Variants in OR8B2 observed in about 807,000 individuals in gnomAD.
The protein encoded by OR8B2 is olfactory receptor family 8 subfamily B member 2.
For synonymous variants in OR8B2, 98 were observed against 138.2 expected, an observed-to-expected ratio of 0.71 and a Z score of 2.04; for missense variants, 304 against 379.6, an observed-to-expected ratio of 0.80 and a Z score of 1.65.
At chr11:124,389,369 G>A (rs1042983859), upstream of OR8B2, among the ~76,000 whole-genome samples, 2 of 152,168 alleles carry the variant, frequency 1.3e-5, no homozygotes, top group East Asian at 3.9e-4. Context: ...TCTTTACAAA[G>A]TACATTGGGG....
At chr11:124,396,335 A>T in the OR8B2 span, 98 of 1,262,430 alleles carry the variant, frequency 7.8e-5, no homozygotes, top group Non-Finnish European at 1.0e-4. Context: ...CTGTAGAAAC[A>T]ACAAAATCTC....
At chr11:124,390,286 T>C in the OR8B2 span, among the ~76,000 whole-genome samples, 1 of 152,218 alleles carries the variant, frequency 6.6e-6, no homozygotes, top group Admixed American at 6.5e-5. Context: ...AGCTATTCAC[T>C]ATACTTCTAA....
Position 124,383,156 on chromosome 11 carries a change from AG to A in OR8B2, c.187del (p.Leu63SerfsTer20), listed in dbSNP as rs1486048481. ...SHLHTPMYYF[L>X]FNLSFIDLCY... ...GAGATCAATGAAGGAGAGATTGAAG[AG>A]GAAATAGTACATTGGTGTGTGGAGG... On this transcript the variant is annotated frameshift_variant, in exon 2 of 2. Transcript: ENST00000641451. LOFTEE classifies it low-confidence loss of function (END_TRUNC). The A allele has an allele frequency of 6.2e-7, 1 of 1,613,844 alleles. No individual in the cohort carries two copies. Among genetic ancestry groups the A allele is most frequent in the African/African-American group, 1.3e-5 (1 of 74,932 alleles).
upstream of OR8B2, among the ~76,000 whole-genome samples, chr11:124,387,365 T>G (rs1181278325): frequency 6.6e-6 from 1 of 152,154 alleles, no homozygotes; most frequent in African/African-American, 2.4e-5. Flanking sequence ...ATGCCTAGGT[T>G]TTCTTCTAGG....
the OR8B2 span, chr11:124,396,364 A>G: frequency 9.3e-6 from 14 of 1,503,450 alleles, no homozygotes; most frequent in African/African-American, 2.8e-5. Flanking sequence ...ACACACTAAT[A>G]AAAATTTAAA....
chr11:124,386,680 C>T (rs541456602), upstream of OR8B2, among the ~76,000 whole-genome samples: 528 of 151,812 alleles, frequency 3.5e-3, 4 homozygotes, highest in African/African-American at 0.012. Flanking sequence ...GGGTTGGTTC[C>T]AAGTCTTTGC....
chr11:124,386,310 G>A (rs56000699), upstream of OR8B2, among the ~76,000 whole-genome samples: 43,439 of 146,086 alleles, frequency 0.3, 6,435 homozygotes, highest in South Asian at 0.37. Flanking sequence ...ACAATGTGCA[G>A]GTTAGTTACA....
upstream of OR8B2, among the ~76,000 whole-genome samples, chr11:124,385,477 A>G (rs59049444): frequency 0.049 from 6,993 of 142,452 alleles, 551 homozygotes; most frequent in African/African-American, 0.17. Context: ...GACCTTATTC[A>G]GCAATTTAAC....
chr11:124,394,345 A>G, the OR8B2 span, among the ~76,000 whole-genome samples: 1 of 152,126 alleles, frequency 6.6e-6, no homozygotes, highest in Non-Finnish European at 1.5e-5. Context: ...TTAGAAGGAG[A>G]TGTCAAGAAA....
the OR8B2 span, among the ~76,000 whole-genome samples, chr11:124,392,927 T>C: frequency 1.5e-3 from 221 of 148,538 alleles, 3 homozygotes; most frequent in Admixed American, 0.013. Context: ...TATAGATCAA[T>C]GGAACAGAAC....
chr11:124,390,498 G>A, the OR8B2 span, among the ~76,000 whole-genome samples: 3 of 152,164 alleles, frequency 2.0e-5, no homozygotes, highest in Admixed American at 2.0e-4. Context: ...AATGTTTTAA[G>A]AAAGTTTACG....
the OR8B2 span, among the ~76,000 whole-genome samples, chr11:124,394,393 A>G: frequency 1.6e-3 from 249 of 152,288 alleles, 2 homozygotes; most frequent in African/African-American, 5.7e-3. Flanking sequence ...AATGCCTATT[A>G]AGGATAAAAC....
chr11:124,384,735 C>G (rs1860667842), upstream of OR8B2, among the ~76,000 whole-genome samples: 1 of 152,194 alleles, frequency 6.6e-6, no homozygotes, highest in South Asian at 2.1e-4. Context: ...CCTACCATGA[C>G]ACACTCTGCA....
chr11:124,382,623 A>G lies in OR8B2; in HGVS notation c.721T>C (p.Cys241Arg). The G allele has an allele frequency of 6.2e-7, 1 of 1,612,002 alleles. No homozygotes were observed. The highest frequency in any genetic ancestry group is 1.1e-5 in the South Asian group (1 of 90,756). The change falls in exon 2 of 2, where the codon TGT (cysteine) becomes CGT (arginine). Residue 241 changes from cysteine (C) to arginine (R), a missense_variant. Coordinates refer to ENST00000641451, the MANE Select transcript of OR8B2 (RefSeq NM_001005468.2). ...GACAGAGCAATGACATGAGAGCTACAAGTACTGAAGGCTTTTGATCTTCCT... is the reference window on the plus strand; with the variant it reads ...GACAGAGCAATGACATGAGAGCTACGAGTACTGAAGGCTTTTGATCTTCCT... ...TQGRSKAFST[C>R]SSHVIALSLF...
upstream of OR8B2, among the ~76,000 whole-genome samples, chr11:124,384,685 C>A (rs1860667104): frequency 6.6e-6 from 1 of 152,126 alleles, no homozygotes; most frequent in Non-Finnish European, 1.5e-5. Context: ...AATTCTTAGA[C>A]CTGATTACAT....
upstream of OR8B2, among the ~76,000 whole-genome samples, chr11:124,384,995 A>G (rs1191160928): frequency 1.3e-5 from 2 of 152,212 alleles, no homozygotes; most frequent in Non-Finnish European, 2.9e-5. Flanking sequence ...AGTCCTTTTA[A>G]ATAATCCATT....
At position 124,383,268 on chromosome 11, in the gene OR8B2, G is replaced by T. The variant is rs1860638042; in HGVS notation, c.76C>A (p.Pro26Thr). 6.2e-7 allele frequency: 1 copy of T among 1,613,960 alleles called. No homozygotes were observed. The highest frequency in any genetic ancestry group is 8.5e-7 in the Non-Finnish European group (1 of 1,179,848). The part of the protein sequence containing the change: ...GLTDHPEFRQ[P>T]LFFLFLVIYI... ...ATCACTAGAAACAGGAAAAAGAGGG[G>T]TTGCCGGAACTCTGGATGATCTGTT... The change falls in exon 2 of 2, where the codon CCC (proline) becomes ACC (threonine). Residue 26 changes from proline to threonine, a missense_variant. Pro to Thr is a conservative substitution (Grantham distance 38). Transcript: ENST00000641451.
At chr11:124,390,554 G>A in the OR8B2 span, among the ~76,000 whole-genome samples, 5 of 152,192 alleles carry the variant, frequency 3.3e-5, no homozygotes, top group African/African-American at 9.6e-5. Flanking sequence ...CTTGAGACCC[G>A]AAAGCTTGCT....
upstream of OR8B2, among the ~76,000 whole-genome samples, chr11:124,385,102 TA>T (rs944553678): frequency 7.9e-5 from 12 of 152,162 alleles, no homozygotes; most frequent in Admixed American, 5.9e-4. Context: ...AAATTTTGTG[TA>T]ACATAGAATG....
Sources: gnomAD v4.1 joint callset for allele counts (sites outside exome capture counted in the v4.1 genomes callset) on GRCh38, gnomAD v4.1.1 for gene constraint, MANE v1.5 for transcripts, NCBI Gene and HGNC (gene_info 2026-07-23, HGNC 2026-07-21) for gene names.